UNC5D: variants seen among roughly 807,000 people sequenced by gnomAD.
UNC5D encodes the protein netrin receptor UNC5D.
A neutral mutation model predicts 105.4 loss-of-function variants in UNC5D; 39 were observed. That is an observed-to-expected ratio of 0.37 (90% confidence interval 0.29 to 0.48). UNC5D has a LOEUF of 0.48. UNC5D is among the 20% of genes least tolerant of loss of function. The pLI, the probability that UNC5D is intolerant of heterozygous loss-of-function variation, is 0.98. For missense variants in UNC5D, 991 were observed against 1,202.4 expected, an observed-to-expected ratio of 0.82 and a Z score of 2.60; for synonymous variants, 452 against 450.4, an observed-to-expected ratio of 1.00 and a Z score of -0.04.
chr8:35,628,772 C>T lies in UNC5D; in HGVS notation c.570+33115C>T, dbSNP rs148479606. Among the ~76,000 whole-genome samples the T allele has an allele frequency of 6.3e-3, 962 of 152,236 alleles. 7 individuals carry two copies. Among genetic ancestry groups the T allele is most frequent in the African/African-American group, 0.022 (932 of 41,534 alleles). On this transcript the variant is annotated intron_variant, in intron 4 of 16. Transcript: ENST00000404895. ...GACACTCTGAGCAGTTAGTTTAATG[C>T]TTATCATGGTATGAGACTTACTCTC... is the stretch of plus-strand genomic sequence containing the variant.
intron 1 of UNC5D, among the ~76,000 whole-genome samples, chr8:35,247,478 C>A: frequency 7.3e-6 from 1 of 136,826 alleles, no homozygotes; most frequent in East Asian, 2.1e-4. Context: ...TAAATTTGTT[C>A]AGTATGAATC....
At chr8:35,477,048 A>T (rs1290902255) in intron 1 of UNC5D, among the ~76,000 whole-genome samples, 2 of 152,192 alleles carry the variant, frequency 1.3e-5, no homozygotes, top group Non-Finnish European at 2.9e-5. Context: ...TTTACCAGGC[A>T]GCCCCCTTGT....
chr8:35,295,974 T>C (rs1235715384), intron 1 of UNC5D, among the ~76,000 whole-genome samples: 1 of 152,180 alleles, frequency 6.6e-6, no homozygotes, highest in Non-Finnish European at 1.5e-5. Context: ...TCCCTGCAGG[T>C]TCATCTATGT....
intron 1 of UNC5D, among the ~76,000 whole-genome samples, chr8:35,342,611 A>C (rs1322124587): frequency 1.3e-5 from 2 of 152,092 alleles, no homozygotes; most frequent in African/African-American, 2.4e-5. Context: ...GTGTTTCTTA[A>C]ATAACATTTG....
In UNC5D at chr8:35,468,086, G is replaced by A. The variant is rs529467449; in HGVS notation, c.104-81206G>A. Among the ~76,000 whole-genome samples the A allele has an allele frequency of 3.9e-5, 6 of 152,238 alleles. No homozygotes were observed. In the East Asian group the frequency reaches 9.7e-4, roughly 25 times the overall value. ...GCAGATATTTACCTGCTTTTACTATGAATTAGATAAATTTCTCAATGTCAA... is the reference window on the plus strand; with the variant it reads ...GCAGATATTTACCTGCTTTTACTATAAATTAGATAAATTTCTCAATGTCAA... On this transcript the variant is annotated intron_variant, in intron 1 of 16. Transcript: ENST00000404895.
chr8:35,391,081 G>A (rs946716941), intron 1 of UNC5D, among the ~76,000 whole-genome samples: 1 of 152,220 alleles, frequency 6.6e-6, no homozygotes, highest in African/African-American at 2.4e-5. Context: ...AAATCTGGGA[G>A]AGATGCATAA....
intron 1 of UNC5D, among the ~76,000 whole-genome samples, chr8:35,477,105 T>C (rs76500272): frequency 0.017 from 2,540 of 152,322 alleles, 76 homozygotes; most frequent in African/African-American, 0.058. Context: ...AAGATACTCC[T>C]TCTCATCTTC....
intron 16 of UNC5D, among the ~76,000 whole-genome samples, chr8:35,777,920 A>G (rs1177872430): frequency 1.3e-5 from 2 of 152,166 alleles, no homozygotes; most frequent in Admixed American, 6.6e-5. Context: ...GCAGACCACT[A>G]AGTGTGGTTA....
chr8:35,273,206 T>C (rs976188031), intron 1 of UNC5D, among the ~76,000 whole-genome samples: 2 of 152,194 alleles, frequency 1.3e-5, no homozygotes, highest in African/African-American at 4.8e-5. Context: ...AGATACAAGT[T>C]TTTGGAGTCC....
chr8:35,749,125 T>C (rs1736624989), intron 12 of UNC5D, among the ~76,000 whole-genome samples: 2 of 152,296 alleles, frequency 1.3e-5, no homozygotes, highest in East Asian at 1.9e-4. Flanking sequence ...TTCTAAGGTA[T>C]CTATGTTTAA....
intron 1 of UNC5D, among the ~76,000 whole-genome samples, chr8:35,379,032 GC>G (rs1269833361): frequency 6.6e-6 from 1 of 152,160 alleles, no homozygotes; most frequent in Non-Finnish European, 1.5e-5. Flanking sequence ...AAATTATCTG[GC>G]CTTATATTTA....
At chr8:35,476,712 T>G (rs1350050443) in intron 1 of UNC5D, among the ~76,000 whole-genome samples, 2 of 152,176 alleles carry the variant, frequency 1.3e-5, no homozygotes, top group East Asian at 3.9e-4. Context: ...CCAGTGACAT[T>G]TCAGACCTCT....
chr8:35,774,613 A>C, intron 16 of UNC5D, 136 bp downstream of exon 16: 1 of 1,187,628 alleles, frequency 8.4e-7, no homozygotes, highest in South Asian at 1.6e-5. Flanking sequence ...GTGTGTTCCC[A>C]CTAAGTAAGT....
chr8:35,329,616 G>A (rs1810452910), intron 1 of UNC5D, among the ~76,000 whole-genome samples: 1 of 151,832 alleles, frequency 6.6e-6, no homozygotes, highest in South Asian at 2.1e-4. Context: ...TCCTTTCCAT[G>A]TATTAGGCCA....
intron 2 of UNC5D, among the ~76,000 whole-genome samples, chr8:35,557,544 C>G (rs1000193033): frequency 6.6e-6 from 1 of 152,166 alleles, no homozygotes; most frequent in Non-Finnish European, 1.5e-5. Context: ...TTACTACTTT[C>G]AGTACTATGT....
At chr8:35,387,946 TAAAG>T (rs1000856825) in intron 1 of UNC5D, among the ~76,000 whole-genome samples, 3 of 152,064 alleles carry the variant, frequency 2.0e-5, no homozygotes, top group African/African-American at 7.2e-5. Flanking sequence ...GGCTAAGTAA[TAAAG>T]AAGAAAAATA....
Position 35,750,815 on chromosome 8 carries a change from C to G in UNC5D, c.2163+6C>G. ...ATACCCCTTGTGCATTTCAGGTTAG[C>G]CTTTGTTTTAATAATTTTCTTTTGG... On this transcript the variant is annotated splice_donor_region_variant and intron_variant, in intron 13 of 16. Transcript: ENST00000404895. 1 of 1,613,460 alleles carries G rather than the reference C, an allele frequency of 6.2e-7. No individual in the cohort carries two copies. The highest frequency in any genetic ancestry group is 8.5e-7 in the Non-Finnish European group (1 of 1,179,520).
rs1803019492 is a variant in UNC5D, at chr8:35,791,084, T to C, written c.*521T>C. The stretch of plus-strand genomic sequence containing the variant: ...GACTTCAACAACGTCAAGGAGGGCA[T>C]TTAGAATTTAGAATCTGAGCACATC... On this transcript the variant is annotated 3_prime_UTR_variant, in exon 17 of 17. Transcript: ENST00000404895. The C allele has an allele frequency of 5.6e-6, 1 of 178,008 alleles. No individual in the cohort carries two copies. The highest frequency in any genetic ancestry group is 2.4e-5 in the African/African-American group (1 of 41,988). The allele number at this position is 178,008 out of a possible 1,614,324, so 11.0% of individuals were successfully genotyped here.
intron 1 of UNC5D, among the ~76,000 whole-genome samples, chr8:35,240,805 T>A (rs559437915): frequency 3.7e-4 from 57 of 152,344 alleles, no homozygotes; most frequent in African/African-American, 1.3e-3. Flanking sequence ...TAAATAAGTC[T>A]ATAAATATGT....
Sources: gnomAD v4.1 joint callset for allele counts (sites outside exome capture counted in the v4.1 genomes callset) on GRCh38, gnomAD v4.1.1 for gene constraint, MANE v1.5 for transcripts, NCBI Gene and HGNC (gene_info 2026-07-23, HGNC 2026-07-21) for gene names.